Variants in RASSF3 observed in about 807,000 individuals in gnomAD.
The protein encoded by RASSF3 is Ras association domain family member 3.
Under a neutral mutation model 19.9 loss-of-function variants are expected in RASSF3, and 19 were observed. The ratio of observed to expected loss-of-function variants is 0.96; its 90% CI spans 0.67 to 1.40. The LOEUF (loss-of-function observed/expected upper bound fraction) is 1.40. Among genes scored for constraint, RASSF3 ranks in the 40% most tolerant of loss-of-function variants. The pLI, the probability that RASSF3 is intolerant of heterozygous loss-of-function variation, is 0.00. For missense variants in RASSF3, 306 were observed against 289.8 expected (o/e 1.06, Z -0.41); for synonymous variants, 110 against 104.2 (o/e 1.06, Z -0.34).
In RASSF3 at chr12:64,534,143, C is replaced by A. The variant is rs115332684; in HGVS notation, c.67+809C>A. Among the ~76,000 whole-genome samples the A allele has an allele frequency of 7.6e-3, 1,154 of 152,224 alleles. 7 individuals carry two copies. The highest frequency in any genetic ancestry group is 0.026 in the African/African-American group (1,099 of 41,516). ...GGGTGTGGTGGTGGGCACCTGTAGTCTCAGCCACTTGGAAGACTGAGGCAG... is the reference window on the plus strand; with the variant it reads ...GGGTGTGGTGGTGGGCACCTGTAGTATCAGCCACTTGGAAGACTGAGGCAG... On this transcript the variant is annotated intron_variant, in intron 1 of 1. Coordinates refer to the RASSF3 transcript ENST00000636333.
chr12:64,614,236 C>A (rs182744018), intron 1 of RASSF3, among the ~76,000 whole-genome samples: 1 of 150,060 alleles, frequency 6.7e-6, no homozygotes, highest in Non-Finnish European at 1.5e-5. Flanking sequence ...CGCGTGCAAA[C>A]GATTCTCCTG....
rs115037189 is a variant in RASSF3 at position 64,678,968 on chromosome 12, T to G, written c.112-5819T>G. On this transcript the variant is annotated intron_variant, in intron 1 of 4. Transcript: ENST00000542104. ...TGGCAGAGCTGTGTGATTTTAGACC[T>G]AAGTATGTCTAAATCATAGTCCACA... is the stretch of plus-strand genomic sequence containing the variant. Among the ~76,000 whole-genome samples, 917 of 152,298 alleles carry G rather than the reference T, an allele frequency of 6.0e-3. 14 individuals carry two copies. The highest frequency in any genetic ancestry group is 0.021 in the African/African-American group (885 of 41,574).
intron 1 of RASSF3, among the ~76,000 whole-genome samples, chr12:64,613,585 AT>A (rs891074864): frequency 6.6e-6 from 1 of 151,868 alleles, no homozygotes; most frequent in Non-Finnish European, 1.5e-5. Context: ...AAATGTTTTC[AT>A]TTTTTTTCTT....
chr12:64,652,151 A>G (rs1267149927), intron 1 of RASSF3, among the ~76,000 whole-genome samples: 1 of 152,222 alleles, frequency 6.6e-6, no homozygotes, highest in Non-Finnish European at 1.5e-5. Flanking sequence ...GAGATGAGGA[A>G]GGATGGTATT....
intron 1 of RASSF3, among the ~76,000 whole-genome samples, chr12:64,614,220 G>A (rs533407868): frequency 5.1e-4 from 75 of 145,818 alleles, no homozygotes; most frequent in African/African-American, 1.7e-3. Flanking sequence ...TGCAACCTCC[G>A]TCTCCCGCGT....
chr12:64,654,227 T>A (rs1237975550), intron 1 of RASSF3: 1 of 152,134 alleles, frequency 6.6e-6, no homozygotes, highest in Non-Finnish European at 1.5e-5. Context: ...CAATCTCGGC[T>A]CACTGCAACC....
At chr12:64,554,345 C>G (rs1213470602) in intron 2 of RASSF3, among the ~76,000 whole-genome samples, 3 of 152,160 alleles carry the variant, frequency 2.0e-5, no homozygotes, top group African/African-American at 4.8e-5. Context: ...ACTCTTGTCG[C>G]CCAGGCTGGA....
intron 2 of RASSF3, among the ~76,000 whole-genome samples, chr12:64,582,071 T>C (rs1869712375): frequency 6.6e-6 from 1 of 152,034 alleles, no homozygotes; most frequent in Non-Finnish European, 1.5e-5. Flanking sequence ...GGTGGGGGTC[T>C]CAAATTCCTG....
intron 1 of RASSF3, among the ~76,000 whole-genome samples, chr12:64,684,021 T>A (rs1592468957): frequency 7.8e-6 from 1 of 128,290 alleles, no homozygotes; most frequent in African/African-American, 2.5e-5. Context: ...TGAGTGTGTG[T>A]GTGTGTGTGT....
At position 64,688,535 on chromosome 12, in the gene RASSF3, G is replaced by T. The variant is rs1230344528; in HGVS notation, c.457+82G>T. ...TCATTAGCAGAGGGAAGACTGGTGG[G>T]TCTCATCCATGTCAGTTGTGTCAGA... is the stretch of plus-strand genomic sequence containing the variant. On this transcript the variant is annotated intron_variant, in intron 3 of 4. Coordinates refer to ENST00000542104, the MANE Select transcript of RASSF3 (RefSeq NM_178169.4). The T allele has an allele frequency of 7.0e-6, 7 of 1,006,624 alleles. No individual in the cohort carries two copies. The African/African-American group carries it at 9.5e-5, about 14-fold the overall frequency. The allele number at this position is 1,006,624 out of a possible 1,614,324, so 62.4% of individuals were successfully genotyped here. A position where few individuals can be genotyped will look rare whatever the true frequency, so the allele number is the denominator to read the frequency against.
At chr12:64,583,457 A>G (rs1295992854) in intron 2 of RASSF3, among the ~76,000 whole-genome samples, 2 of 152,108 alleles carry the variant, frequency 1.3e-5, no homozygotes, top group Non-Finnish European at 2.9e-5. Flanking sequence ...CTTCATCTCT[A>G]CTAAAAATAC....
intron 2 of RASSF3, among the ~76,000 whole-genome samples, chr12:64,548,470 A>T (rs952111689): frequency 6.6e-6 from 1 of 152,202 alleles, no homozygotes; most frequent in East Asian, 1.9e-4. Flanking sequence ...GATTATAGGC[A>T]TGAGCCACAG....
intron 1 of RASSF3, among the ~76,000 whole-genome samples, chr12:64,626,704 G>A (rs35860561): frequency 0.11 from 16,569 of 151,908 alleles, 1,046 homozygotes; most frequent in East Asian, 0.29. Context: ...TGGGACTAGA[G>A]GTGCATTCTA....
At chr12:64,531,998 C>T (rs1868718371), upstream of RASSF3, among the ~76,000 whole-genome samples, 1 of 152,214 alleles carries the variant, frequency 6.6e-6, no homozygotes, top group South Asian at 2.1e-4. Flanking sequence ...GTAATGCAAT[C>T]TTCCTTAGAG....
chr12:64,518,326 GC>G (rs1165918008), intron 1 of RASSF3, among the ~76,000 whole-genome samples: 1 of 152,136 alleles, frequency 6.6e-6, no homozygotes, highest in African/African-American at 2.4e-5. Flanking sequence ...AGCTATATTG[GC>G]CCATGGTTCT....
At chr12:64,531,508 C>G (rs1420361968), upstream of RASSF3, among the ~76,000 whole-genome samples, 1 of 152,214 alleles carries the variant, frequency 6.6e-6, no homozygotes, top group East Asian at 1.9e-4. Context: ...ATGTTAATCA[C>G]AGTGTTGTGC....
At chr12:64,565,585 C>T (rs756870556) in intron 2 of RASSF3, among the ~76,000 whole-genome samples, 10 of 151,980 alleles carry the variant, frequency 6.6e-5, no homozygotes, top group Non-Finnish European at 8.8e-5. Flanking sequence ...CAGTGGCGTG[C>T]GCCTGTAATC....
At chr12:64,597,686 GA>G (rs1228704437) in intron 2 of RASSF3, among the ~76,000 whole-genome samples, 4 of 151,954 alleles carry the variant, frequency 2.6e-5, no homozygotes, top group Non-Finnish European at 5.9e-5. Context: ...TCGAACTCCT[GA>G]CCTCAGGTGA....
At chr12:64,515,796 A>AT (rs1162434880) in intron 1 of RASSF3, among the ~76,000 whole-genome samples, 1 of 152,140 alleles carries the variant, frequency 6.6e-6, no homozygotes, top group African/African-American at 2.4e-5. Context: ...AGTAGCTGGG[A>AT]TTACAAGCAA....
Sources: gnomAD v4.1 joint callset for allele counts (sites outside exome capture counted in the v4.1 genomes callset) on GRCh38, gnomAD v4.1.1 for gene constraint, MANE v1.5 for transcripts, NCBI Gene and HGNC (gene_info 2026-07-23, HGNC 2026-07-21) for gene names.